ROBO2: variants seen among roughly 807,000 people sequenced by gnomAD.
ROBO2 encodes roundabout homolog 2.
A neutral mutation model predicts 160.8 loss-of-function variants in ROBO2; 53 were observed. The ratio of observed to expected loss-of-function variants is 0.33; its 90% CI spans 0.26 to 0.41. The LOEUF (loss-of-function observed/expected upper bound fraction) is 0.41, where lower values mean the gene tolerates loss of function less well. Ranked by LOEUF, ROBO2 falls within the 10% of genes least tolerant of loss-of-function variation. ROBO2 has a pLI of 1.00. For missense variants in ROBO2, 1,577 were observed against 1,722.4 expected (o/e 0.92, Z 1.49); for synonymous variants, 664 against 611.7 (o/e 1.09, Z -1.26).
intron 2 of ROBO2, among the ~76,000 whole-genome samples, chr3:77,291,614 A>T (rs564296092): frequency 6.6e-6 from 1 of 151,778 alleles, no homozygotes; most frequent in Admixed American, 6.6e-5. Flanking sequence ...ATAAAGTAAA[A>T]TTGACGGTTA....
At chr3:76,613,515 T>A (rs988544119) in intron 2 of ROBO2, among the ~76,000 whole-genome samples, 4 of 152,108 alleles carry the variant, frequency 2.6e-5, no homozygotes, top group African/African-American at 9.7e-5. Context: ...CTCCTTTAGT[T>A]ATGTACATTA....
At chr3:76,789,140 G>T (rs1560564535) in intron 2 of ROBO2, among the ~76,000 whole-genome samples, 1 of 151,524 alleles carries the variant, frequency 6.6e-6, no homozygotes, top group Non-Finnish European at 1.5e-5. Context: ...TTTGCTTAGA[G>T]TCAAAAGGCA....
intron 2 of ROBO2, among the ~76,000 whole-genome samples, chr3:77,002,174 C>T (rs1049343877): frequency 4.0e-5 from 6 of 151,612 alleles, no homozygotes; most frequent in Admixed American, 1.3e-4. Flanking sequence ...TTTATTTGTC[C>T]CTAGATTATC....
At chr3:77,415,230 A>G (rs760309944) in intron 2 of ROBO2, among the ~76,000 whole-genome samples, 1 of 152,194 alleles carries the variant, frequency 6.6e-6, no homozygotes. Context: ...AAGCAATGTT[A>G]AGGCATTGAA....
chr3:77,100,709 G>A lies in ROBO2; in HGVS notation c.388+2369G>A, dbSNP rs115589792. On this transcript the variant is annotated intron_variant, in intron 2 of 25. Coordinates refer to ENST00000461745, the Ensembl canonical transcript of ROBO2. ...TTCTCAAAGAGCTCACATTCTAGTT[G>A]GGATGACAAACATGTAAATAAAGAG... Among the ~76,000 whole-genome samples, 424 of 152,096 alleles carry A rather than the reference G, an allele frequency of 2.8e-3. 3 individuals are homozygous for A. Among genetic ancestry groups the A allele is most frequent in the African/African-American group, 9.8e-3 (405 of 41,512 alleles).
At chr3:77,199,634 T>G (rs1288883134) in intron 2 of ROBO2, among the ~76,000 whole-genome samples, 3 of 149,478 alleles carry the variant, frequency 2.0e-5, no homozygotes, top group Non-Finnish European at 4.4e-5. Flanking sequence ...TTTTTTTTTT[T>G]TTTTTTTTGT....
chr3:76,202,833 A>G (rs1410863298), intron 2 of ROBO2, among the ~76,000 whole-genome samples: 2 of 151,200 alleles, frequency 1.3e-5, no homozygotes, highest in Non-Finnish European at 2.9e-5. Flanking sequence ...TTGATGTCCT[A>G]GGTCACATAT....
At chr3:75,921,848 AT>A (rs2106837379) in intron 1 of ROBO2, among the ~76,000 whole-genome samples, 1 of 152,282 alleles carries the variant, frequency 6.6e-6, no homozygotes, top group African/African-American at 2.4e-5. Context: ...CGTAAGCAAA[AT>A]TCAGCTTCTA....
intron 5 of ROBO2, among the ~76,000 whole-genome samples, chr3:77,505,577 A>T (rs114698788): frequency 0.02 from 3,095 of 152,182 alleles, 98 homozygotes; most frequent in African/African-American, 0.069. Context: ...AGTTAAGGAG[A>T]GGAAAAATGA....
At chr3:76,122,076 C>G (rs1344021674) in intron 2 of ROBO2, among the ~76,000 whole-genome samples, 1 of 152,200 alleles carries the variant, frequency 6.6e-6, no homozygotes, top group African/African-American at 2.4e-5. Context: ...ACACTGCATG[C>G]TCTACTGTAA....
chr3:76,282,732 A>G (rs1708294354), intron 2 of ROBO2, among the ~76,000 whole-genome samples: 2 of 151,960 alleles, frequency 1.3e-5, no homozygotes, highest in South Asian at 4.2e-4. Context: ...TGGGTATCAA[A>G]TCCCATGTTT....
At chr3:76,595,679 G>A (rs893827137) in intron 2 of ROBO2, among the ~76,000 whole-genome samples, 2 of 152,034 alleles carry the variant, frequency 1.3e-5, no homozygotes, top group Admixed American at 1.3e-4. Flanking sequence ...CAAGACCACT[G>A]ATGTATGGTT....
intron 2 of ROBO2, among the ~76,000 whole-genome samples, chr3:75,962,223 T>C (rs7630973): frequency 5.7e-4 from 87 of 151,854 alleles, no homozygotes; most frequent in African/African-American, 1.9e-3. Context: ...ATGATTAACA[T>C]CTGACTTTTC....
intron 2 of ROBO2, among the ~76,000 whole-genome samples, chr3:77,233,455 A>T (rs533115131): frequency 6.6e-6 from 1 of 152,152 alleles, no homozygotes; most frequent in South Asian, 2.1e-4. Context: ...CAAAAGCAAC[A>T]TCTGCTTCCT....
At chr3:76,694,597 C>T (rs2092887618) in intron 2 of ROBO2, among the ~76,000 whole-genome samples, 1 of 151,942 alleles carries the variant, frequency 6.6e-6, no homozygotes, top group South Asian at 2.1e-4. Flanking sequence ...TTAAGTCGGG[C>T]ACTTCATAGG....
intron 2 of ROBO2, among the ~76,000 whole-genome samples, chr3:76,203,152 TC>T (rs1275538222): frequency 6.7e-6 from 1 of 148,712 alleles, no homozygotes; most frequent in African/African-American, 2.5e-5. Context: ...GTCTTTCAAA[TC>T]CCCCCCAGAT....
At chr3:77,003,428 T>G (rs2061426268) in intron 2 of ROBO2, among the ~76,000 whole-genome samples, 1 of 152,228 alleles carries the variant, frequency 6.6e-6, no homozygotes, top group African/African-American at 2.4e-5. Context: ...TTGTACATAC[T>G]CAGTGCTCAA....
chr3:76,895,887 G>A (rs531596115), intron 2 of ROBO2, among the ~76,000 whole-genome samples: 5 of 152,164 alleles, frequency 3.3e-5, no homozygotes, highest in South Asian at 4.1e-4. Context: ...TTTGCAAAAC[G>A]GCACTGCTTG....
intron 2 of ROBO2, among the ~76,000 whole-genome samples, chr3:75,995,484 G>T (rs940154203): frequency 6.6e-6 from 1 of 152,194 alleles, no homozygotes; most frequent in African/African-American, 2.4e-5. Flanking sequence ...TTCAGAAAAT[G>T]TATGGGAACA....
Sources: gnomAD v4.1 joint callset for allele counts (sites outside exome capture counted in the v4.1 genomes callset) on GRCh38, gnomAD v4.1.1 for gene constraint, MANE v1.5 for transcripts, NCBI Gene and HGNC (gene_info 2026-07-23, HGNC 2026-07-21) for gene names.